The following C16orf96 variants were observed in gnomAD, a reference collection of about 807,000 sequenced individuals.
C16orf96 encodes chromosome 16 open reading frame 96, also known as uncharacterized protein C16orf96.
Under a neutral mutation model 103.6 loss-of-function variants are expected in C16orf96, and 108 were observed. That is an observed-to-expected ratio of 1.04 (90% confidence interval 0.89 to 1.22). The LOEUF (loss-of-function observed/expected upper bound fraction) is 1.22. C16orf96 is among the 50% of genes most tolerant of loss of function. The probability of loss-of-function intolerance (pLI) is 0.00; values close to 1 mark genes in which losing one functional copy is unlikely to be tolerated. For synonymous variants in C16orf96, 566 were observed against 593.5 expected, an observed-to-expected ratio of 0.95 and a Z score of 0.67; for missense variants, 1,586 against 1,464.2, an observed-to-expected ratio of 1.08 and a Z score of -1.36.
At chr16:4,548,876 C>CAA in the C16orf96 span, among the ~76,000 whole-genome samples, 85,404 of 132,856 alleles carry the variant, frequency 0.64, 31,081 homozygotes, top group East Asian at 0.88. Context: ...GTGAGACTCT[C>CAA]AAAAAAAAAA....
chr16:4,552,953 G>T (rs1437630016), upstream of C16orf96, among the ~76,000 whole-genome samples: 2 of 152,100 alleles, frequency 1.3e-5, no homozygotes, highest in East Asian at 3.8e-4. Context: ...AGCTCCTTCG[G>T]AGCTATCATC....
At chr16:4,571,716 G>C in intron 2 of C16orf96, 51 bp downstream of exon 2, 1 of 1,373,584 alleles carries the variant, frequency 7.3e-7, no homozygotes, top group Non-Finnish European at 9.7e-7. Context: ...TCAGGCCTCT[G>C]GGGGTTGGAG....
Position 4,584,669 on chromosome 16 carries a change from GGGTAACA to G in C16orf96, c.2353-2367_2353-2361del, listed in dbSNP as rs1468214386. On this transcript the variant is annotated intron_variant, in intron 7 of 15. Coordinates refer to ENST00000444310, the MANE Select transcript of C16orf96 (RefSeq NM_001145011.2). Reference sequence around the variant, plus strand: ...CCTTCCTCAGCCTCCCGAGTAGCTGGGGTAACAGGCGTTTGCCACCACACTCGGCTAA... The same window carrying G: ...CCTTCCTCAGCCTCCCGAGTAGCTGGGGCGTTTGCCACCACACTCGGCTAA... Among the ~76,000 whole-genome samples, 3 of 152,112 alleles carry G rather than the reference GGGTAACA, an allele frequency of 2.0e-5. No individual in the cohort carries two copies. The East Asian group carries it at 5.8e-4, about 29-fold the overall frequency.
At chr16:4,596,123 C>T (rs1208355562) in intron 14 of C16orf96, among the ~76,000 whole-genome samples, 4 of 152,150 alleles carry the variant, frequency 2.6e-5, no homozygotes, top group East Asian at 3.9e-4. Context: ...CTGGGGTTGC[C>T]GAGACAAATT....
chr16:4,591,584 G>C (rs1897059877), intron 9 of C16orf96, 82 bp from the exon 10 acceptor site: 1 of 1,137,594 alleles, frequency 8.8e-7, no homozygotes, highest in Non-Finnish European at 1.3e-6. Flanking sequence ...AACTTCCCAG[G>C]TTGCTGCAAC....
At position 4,592,432 on chromosome 16, in the gene C16orf96, G is replaced by A. The variant is rs748520187; in HGVS notation, c.2774+65G>A. The A allele has an allele frequency of 2.2e-5, 33 of 1,521,428 alleles. 1 individual carries two copies. Among genetic ancestry groups the A allele is most frequent in the Non-Finnish European group, 2.7e-5 (30 of 1,122,332 alleles). 94.2% of individuals were successfully genotyped at this position (1,521,428 alleles called of 1,614,324 possible). On this transcript the variant is annotated intron_variant, in intron 11 of 15. Coordinates refer to ENST00000444310, the MANE Select transcript of C16orf96 (RefSeq NM_001145011.2). Reference sequence around the variant, plus strand: ...TGTGGGGCCCATGGAGGTCATCTCCGTGCACCTCCATGTGCACCGTTCCAT... The same window carrying A: ...TGTGGGGCCCATGGAGGTCATCTCCATGCACCTCCATGTGCACCGTTCCAT...
intron 10 of C16orf96, 63 bp from the exon 11 acceptor site, chr16:4,592,242 G>A: frequency 6.5e-7 from 1 of 1,545,592 alleles, no homozygotes; most frequent in South Asian, 1.2e-5. Context: ...CTGGCTGGCT[G>A]CAGCCTCCCA....
chr16:4,547,510 A>T, the C16orf96 span, among the ~76,000 whole-genome samples: 3 of 152,164 alleles, frequency 2.0e-5, no homozygotes, highest in African/African-American at 7.2e-5. Flanking sequence ...GTCAGAAAAT[A>T]GATTAGTGGT....
chr16:4,586,943 C>A, intron 7 of C16orf96, 96 bp from the exon 8 acceptor site: 1 of 1,147,472 alleles, frequency 8.7e-7, no homozygotes, highest in Non-Finnish European at 1.3e-6. Flanking sequence ...GGCCTGCTAT[C>A]CCTCCCCAGC....
rs74005360 is a variant in C16orf96 at position 4,556,841 on chromosome 16, G to A, written c.352G>A (p.Val118Ile). 1.4e-5 allele frequency: 21 copies of A among 1,551,410 alleles called. No homozygotes were observed. In the East Asian group the frequency reaches 2.4e-4, roughly 18 times the overall value. ...AGCCAGCCAGGGCACTGCCCGGCCC[G>A]TCCAGGACCTGTGGCATCTGATCAA... The part of the protein sequence containing the change: ...LEASQGTARP[V>I]QDLWHLIKLR... The change falls in exon 1 of 16, where the codon GTC becomes ATC. Residue 118 changes from valine to isoleucine, a missense_variant. Physicochemically the swap from Val to Ile is conservative, Grantham distance 29 (BLOSUM62 3). Transcript: ENST00000444310.
chr16:4,565,545 G>A (rs1234009006), intron 1 of C16orf96, among the ~76,000 whole-genome samples: 3 of 152,246 alleles, frequency 2.0e-5, no homozygotes, highest in African/African-American at 7.2e-5. Context: ...CTGGAGTGCA[G>A]TGGCACAGTC....
intron 14 of C16orf96, among the ~76,000 whole-genome samples, chr16:4,597,718 G>A (rs899268943): frequency 6.6e-6 from 1 of 152,052 alleles, no homozygotes; most frequent in Non-Finnish European, 1.5e-5. Context: ...CACCACGCCT[G>A]GATAATTTTT....
rs1183332677 is a variant in C16orf96, at chr16:4,556,924, T to C, written c.420+15T>C. 1.5e-5 allele frequency: 23 copies of C among 1,521,870 alleles called. No individual in the cohort carries two copies. The highest frequency in any genetic ancestry group is 2.0e-5 in the Non-Finnish European group (23 of 1,129,402). The allele number at this position is 1,521,870 out of a possible 1,614,324, so 94.3% of individuals were successfully genotyped here. A position where few individuals can be genotyped will look rare whatever the true frequency, so the allele number is the denominator to read the frequency against. On this transcript the variant is annotated intron_variant, in intron 1 of 15. Transcript: ENST00000444310. ...TCATGGCCAAGGTACGCCCCCAGCC[T>C]CCAGACACTTCTTTTCCTCCCTTCA... is the stretch of plus-strand genomic sequence containing the variant.
chr16:4,568,885 C>T (rs2059408698), intron 1 of C16orf96, among the ~76,000 whole-genome samples: 1 of 151,088 alleles, frequency 6.6e-6, no homozygotes, highest in South Asian at 2.1e-4. Context: ...CTGCTTCAGC[C>T]CCCCAAAATG....
In C16orf96 at chr16:4,600,193, T is replaced by G. The variant is rs1897254215; in HGVS notation, c.3302T>G (p.Leu1101Arg). 1 of 1,551,414 alleles carries G rather than the reference T, an allele frequency of 6.4e-7. No individual in the cohort carries two copies. Among genetic ancestry groups the G allele is most frequent in the African/African-American group, 1.4e-5 (1 of 73,002 alleles). The change falls in exon 16 of 16, where the codon CTG (leucine) becomes CGG (arginine). Residue 1101 changes from leucine (L) to arginine (R), a missense_variant. Transcript: ENST00000444310. Reference protein sequence around the residue: ...RPPSLPPLLLLPPLIPSLRDP... With the variant: ...RPPSLPPLLLRPPLIPSLRDP... ...CCTTCCCTGCCACCTCTGCTGCTGC[T>G]GCCACCGCTGATTCCATCCCTAAGG...
chr16:4,579,986 C>G (rs1161057793), intron 6 of C16orf96, 29 bp from the exon 7 acceptor site: 4 of 1,514,834 alleles, frequency 2.6e-6, no homozygotes, highest in Non-Finnish European at 3.6e-6. Context: ...GAAGCAGAGG[C>G]CTGGGGTGTC....
At position 4,563,603 on chromosome 16, in the gene C16orf96, C is replaced by G. The variant is rs995358061; in HGVS notation, c.420+6694C>G. 5.2e-4 allele frequency among the ~76,000 whole-genome samples: 79 copies of G among 151,838 alleles called. 1 individual carries two copies. The highest frequency in any genetic ancestry group is 3.9e-3 in the Admixed American group (59 of 15,226). On this transcript the variant is annotated intron_variant, in intron 1 of 15. Coordinates refer to ENST00000444310, the MANE Select transcript of C16orf96 (RefSeq NM_001145011.2). Reference sequence around the variant, plus strand: ...GTTTGTTTTGAGACGGAGTCTCGCTCTGTTGCCCAGGCTGGTGGGCAGCAG... The same window carrying G: ...GTTTGTTTTGAGACGGAGTCTCGCTGTGTTGCCCAGGCTGGTGGGCAGCAG...
chr16:4,561,102 G>A (rs8057667), intron 1 of C16orf96: 27,075 of 151,462 alleles, frequency 0.18, 2,922 homozygotes, highest in South Asian at 0.33. Context: ...CCGAGATTGC[G>A]CCATTGCACT....
chr16:4,553,716 C>T (rs2059240942), upstream of C16orf96, among the ~76,000 whole-genome samples: 1 of 152,098 alleles, frequency 6.6e-6, no homozygotes, highest in Non-Finnish European at 1.5e-5. Flanking sequence ...TTCAAGCAAC[C>T]CGCCCACTTT....
Sources: gnomAD v4.1 joint callset for allele counts (sites outside exome capture counted in the v4.1 genomes callset) on GRCh38, gnomAD v4.1.1 for gene constraint, MANE v1.5 for transcripts, NCBI Gene and HGNC (gene_info 2026-07-23, HGNC 2026-07-21) for gene names.